The following FCHSD2 variants were observed in gnomAD, a reference collection of about 807,000 sequenced individuals.
FCHSD2 encodes FCH and double SH3 domains 2.
FCHSD2 carries 38 observed loss-of-function variants against 108.1 expected under a neutral mutation model. That is an observed-to-expected ratio of 0.35 (90% CI 0.27 to 0.46). FCHSD2 has a LOEUF of 0.46. FCHSD2 is among the 20% of genes least tolerant of loss of function. The pLI is 1.00. For synonymous variants in FCHSD2, 279 were observed against 314.7 expected, an observed-to-expected ratio of 0.89 and a Z score of 1.20; for missense variants, 751 against 897.8, an observed-to-expected ratio of 0.84 and a Z score of 2.09.
At chr11:73,086,079 C>T (rs963637031) in intron 2 of FCHSD2, among the ~76,000 whole-genome samples, 7 of 152,120 alleles carry the variant, frequency 4.6e-5, no homozygotes, top group Non-Finnish European at 7.4e-5. Flanking sequence ...AGCAGTGCTA[C>T]GGGGGAAATT....
intron 3 of FCHSD2, chr11:73,077,704 G>C: frequency 2.6e-6 from 1 of 379,760 alleles, no homozygotes; most frequent in East Asian, 8.2e-5. Flanking sequence ...AAATACTGAT[G>C]CACACAACAA....
At chr11:73,059,741 CT>C (rs1162453611) in intron 3 of FCHSD2, among the ~76,000 whole-genome samples, 1 of 151,652 alleles carries the variant, frequency 6.6e-6, no homozygotes, top group Non-Finnish European at 1.5e-5. Context: ...TTTTTTTCCC[CT>C]AGCTGTGAAC....
chr11:73,079,896 T>C (rs1859641213), intron 3 of FCHSD2, among the ~76,000 whole-genome samples: 1 of 152,178 alleles, frequency 6.6e-6, no homozygotes, highest in Admixed American at 6.5e-5. Context: ...TATGATTACT[T>C]TATAAAAATT....
In FCHSD2 at chr11:72,902,590, A is replaced by G. The variant is rs1855548707; in HGVS notation, c.877T>C (p.Phe293Leu). The G allele has an allele frequency of 6.3e-7, 1 of 1,588,766 alleles. No individual in the cohort carries two copies. The highest frequency in any genetic ancestry group is 1.8e-5 in the Admixed American group (1 of 55,948). The change falls in exon 10 of 20, where the codon TTT becomes CTT. Residue 293 changes from phenylalanine (F) to leucine (L), a missense_variant. Phe to Leu is a conservative substitution (Grantham distance 22). Coordinates refer to ENST00000409418, the MANE Select transcript of FCHSD2 (RefSeq NM_014824.3). Reference protein sequence around the residue: ...LQLFLQENAVFHKPQPFQFQP... With the variant: ...LQLFLQENAVLHKPQPFQFQP... Reference sequence around the variant, plus strand: ...AACTGGAAGGGCTGGGGTTTGTGAAATACAGCGTTTTCTTGCAAAAACAGC... The same window carrying G: ...AACTGGAAGGGCTGGGGTTTGTGAAGTACAGCGTTTTCTTGCAAAAACAGC...
chr11:72,843,922 C>T (rs191851035), intron 14 of FCHSD2, among the ~76,000 whole-genome samples: 2 of 151,766 alleles, frequency 1.3e-5, no homozygotes, highest in East Asian at 1.9e-4. Context: ...GTGGGAGGAT[C>T]GCTTGAGCCT....
At position 73,019,465 on chromosome 11, in the gene FCHSD2, A is replaced by G. The variant is rs183376673; in HGVS notation, c.166-3580T>C. ...TGGACTTTATCTATTTTTTTAAATT[A>G]TGAAATTAATTTGTTAACTTTGTGC... On this transcript the variant is annotated intron_variant, in intron 3 of 19. Coordinates refer to ENST00000409418, the MANE Select transcript of FCHSD2 (RefSeq NM_014824.3). Among the ~76,000 whole-genome samples the G allele has an allele frequency of 2.6e-5, 4 of 152,326 alleles. 1 individual carries two copies. Among genetic ancestry groups the G allele is most frequent in the African/African-American group, 9.6e-5 (4 of 41,584 alleles).
intron 3 of FCHSD2, among the ~76,000 whole-genome samples, chr11:73,058,986 A>G (rs376134705): frequency 7.0e-4 from 107 of 152,312 alleles, no homozygotes; most frequent in African/African-American, 2.4e-3. Context: ...CCTCTATAAC[A>G]TAAGGTGAAA....
intron 5 of FCHSD2, among the ~76,000 whole-genome samples, chr11:72,990,447 A>G (rs756406784): frequency 3.7e-4 from 57 of 152,226 alleles, no homozygotes; most frequent in Non-Finnish European, 7.3e-4. Context: ...CTGACCACAT[A>G]GTTGGAAGTA....
chr11:72,946,059 G>A (rs927990541), intron 8 of FCHSD2, among the ~76,000 whole-genome samples: 1 of 152,066 alleles, frequency 6.6e-6, no homozygotes, highest in Admixed American at 6.6e-5. Context: ...TATACTCAAA[G>A]GATTATAAAT....
intron 3 of FCHSD2, among the ~76,000 whole-genome samples, chr11:73,029,640 C>T (rs377341114): frequency 1.1e-4 from 16 of 152,170 alleles, no homozygotes; most frequent in African/African-American, 3.6e-4. Flanking sequence ...GTCATTGCAG[C>T]ACCCTTTCCC....
intron 10 of FCHSD2, among the ~76,000 whole-genome samples, chr11:72,891,944 A>G (rs567158003): frequency 4.1e-4 from 62 of 152,324 alleles, no homozygotes; most frequent in Middle Eastern, 3.4e-3. Context: ...TGAAACAAAA[A>G]TTTTCTTATT....
At chr11:72,866,256 TTTTTGTTTTG>T (rs148512536) in intron 13 of FCHSD2, among the ~76,000 whole-genome samples, 2 of 151,016 alleles carry the variant, frequency 1.3e-5, no homozygotes, top group Non-Finnish European at 3.0e-5. Flanking sequence ...TCTGTTCTGT[TTTTTGTTTTG>T]TTTTGTTTTT....
intron 3 of FCHSD2, among the ~76,000 whole-genome samples, chr11:73,043,855 T>C (rs1858696637): frequency 6.6e-6 from 1 of 152,142 alleles, no homozygotes; most frequent in Non-Finnish European, 1.5e-5. Flanking sequence ...CCCTAAAGGA[T>C]CTAGAAATCT....
intron 4 of FCHSD2, among the ~76,000 whole-genome samples, chr11:73,003,398 A>C (rs945887944): frequency 6.6e-6 from 1 of 152,252 alleles, no homozygotes; most frequent in Non-Finnish European, 1.5e-5. Context: ...AACAAATAGA[A>C]GCACTTCTTG....
At chr11:73,133,844 G>A (rs888103957) in intron 2 of FCHSD2, among the ~76,000 whole-genome samples, 10 of 148,010 alleles carry the variant, frequency 6.8e-5, no homozygotes, top group South Asian at 2.1e-4. Context: ...GAAACCAGTC[G>A]CAAGATTCCA....
chr11:72,903,685 C>A (rs539614568), intron 9 of FCHSD2, among the ~76,000 whole-genome samples: 36 of 152,264 alleles, frequency 2.4e-4, no homozygotes, highest in African/African-American at 8.4e-4. Context: ...ATATCGCTTA[C>A]CCCTTACTTG....
At chr11:73,007,004 T>C (rs1425819765) in intron 4 of FCHSD2, among the ~76,000 whole-genome samples, 2 of 152,208 alleles carry the variant, frequency 1.3e-5, no homozygotes, top group South Asian at 2.1e-4. Context: ...CATTCTGATA[T>C]AGTTTATACC....
intron 10 of FCHSD2, among the ~76,000 whole-genome samples, chr11:72,901,070 A>T (rs1407925158): frequency 1.3e-5 from 2 of 152,178 alleles, no homozygotes; most frequent in Non-Finnish European, 2.9e-5. Context: ...CCATAAACTC[A>T]AGGACGATTA....
At chr11:72,977,174 G>C (rs958568941) in intron 8 of FCHSD2, among the ~76,000 whole-genome samples, 7 of 151,946 alleles carry the variant, frequency 4.6e-5, no homozygotes, top group African/African-American at 9.7e-5. Context: ...CACCTGCCTT[G>C]GCCTCCCAAA....
Sources: gnomAD v4.1 joint callset for allele counts (sites outside exome capture counted in the v4.1 genomes callset) on GRCh38, gnomAD v4.1.1 for gene constraint, MANE v1.5 for transcripts, NCBI Gene and HGNC (gene_info 2026-07-23, HGNC 2026-07-21) for gene names.